The following PTCHD4 variants were observed in gnomAD, a reference collection of about 807,000 sequenced individuals.
PTCHD4 encodes the protein patched domain-containing protein 4.
A neutral mutation model predicts 58.1 loss-of-function variants in PTCHD4; 33 were observed. The ratio of observed to expected loss-of-function variants is 0.57; its 90% CI spans 0.43 to 0.76. The LOEUF (loss-of-function observed/expected upper bound fraction) is 0.76. Ranked by LOEUF, PTCHD4 falls within the 30% of genes least tolerant of loss-of-function variation. The pLI, the probability that PTCHD4 is intolerant of heterozygous loss-of-function variation, is 0.00. For missense variants in PTCHD4, 1,058 were observed against 1,027.1 expected (o/e 1.03, Z -0.41); for synonymous variants, 478 against 409.6 (o/e 1.17, Z -2.02).
chr6:48,022,307 A>G (rs996040388), intron 3 of PTCHD4, among the ~76,000 whole-genome samples: 2 of 151,576 alleles, frequency 1.3e-5, no homozygotes, highest in Non-Finnish European at 2.9e-5. Flanking sequence ...ACAGTGAGGG[A>G]TAATTATTGA....
chr6:48,063,678 T>A (rs1430995275), intron 3 of PTCHD4, among the ~76,000 whole-genome samples: 1 of 152,206 alleles, frequency 6.6e-6, no homozygotes, highest in East Asian at 1.9e-4. Context: ...AAATAGCATG[T>A]GTGTTTGAAA....
At position 47,876,475 on chromosome 6, in the gene PTCHD4, T is replaced by C. The variant is rs1581809679; in HGVS notation, c.*1828A>G. On this transcript the variant is annotated 3_prime_UTR_variant, in exon 5 of 5. Coordinates refer to ENST00000339488, the MANE Select transcript of PTCHD4 (RefSeq NM_001384253.1). ...CCCCTTTATATTCTGGAAAGTTATA[T>C]GTCTAAGTATACTTGTTTTGTTACT... is the stretch of plus-strand genomic sequence containing the variant. 1.3e-5 allele frequency among the ~76,000 whole-genome samples: 2 copies of C among 151,994 alleles called. No individual in the cohort carries two copies. Among genetic ancestry groups the C allele is most frequent in the South Asian group, 4.1e-4 (2 of 4,834 alleles).
chr6:47,961,255 T>C (rs1371317471), intron 4 of PTCHD4, among the ~76,000 whole-genome samples: 3 of 152,002 alleles, frequency 2.0e-5, no homozygotes, highest in African/African-American at 7.2e-5. Flanking sequence ...AAAAGTGAAA[T>C]TGTTTGTATT....
chr6:47,937,396 T>A (rs991680052), intron 4 of PTCHD4, among the ~76,000 whole-genome samples: 7 of 152,186 alleles, frequency 4.6e-5, no homozygotes, highest in African/African-American at 1.7e-4. Context: ...CATTATTTCC[T>A]TATGGACTTT....
intron 1 of PTCHD4, among the ~76,000 whole-genome samples, chr6:48,076,269 C>T (rs768435764): frequency 2.6e-5 from 4 of 152,220 alleles, no homozygotes; most frequent in Non-Finnish European, 5.9e-5. Flanking sequence ...GCTATTTCTA[C>T]CACATCTGCT....
chr6:47,946,430 C>T (rs759036025), intron 4 of PTCHD4, among the ~76,000 whole-genome samples: 6 of 152,166 alleles, frequency 3.9e-5, no homozygotes, highest in Non-Finnish European at 8.8e-5. Flanking sequence ...TTTTTGTCAA[C>T]GTGTAAGGAT....
chr6:47,957,960 G>T (rs774011382), intron 4 of PTCHD4, among the ~76,000 whole-genome samples: 3 of 152,040 alleles, frequency 2.0e-5, no homozygotes, highest in Non-Finnish European at 2.9e-5. Flanking sequence ...TCTGTCCATT[G>T]GAGGTGAAAG....
chr6:47,938,127 T>C (rs1766076359), intron 4 of PTCHD4, among the ~76,000 whole-genome samples: 1 of 152,172 alleles, frequency 6.6e-6, no homozygotes, highest in Non-Finnish European at 1.5e-5. Flanking sequence ...CACTCCAGCC[T>C]GGGCGACAGA....
At chr6:48,015,999 G>A (rs1762853828) in intron 3 of PTCHD4, among the ~76,000 whole-genome samples, 1 of 151,796 alleles carries the variant, frequency 6.6e-6, no homozygotes, top group Non-Finnish European at 1.5e-5. Context: ...ATGAAAAGAG[G>A]CATATGTAGA....
At position 47,904,988 on chromosome 6, in the gene PTCHD4, T is replaced by C. The variant is rs146465433; in HGVS notation, c.899-25052A>G. Among the ~76,000 whole-genome samples the C allele has an allele frequency of 2.7e-5, 4 of 149,338 alleles. No individual in the cohort carries two copies. The South Asian group carries it at 6.3e-4, about 24-fold the overall frequency. On this transcript the variant is annotated intron_variant, in intron 4 of 4. Coordinates refer to ENST00000339488, the MANE Select transcript of PTCHD4 (RefSeq NM_001384253.1). ...AGAATTTCATGCACAAGAAATGATG[T>C]GCAAAGGTGGTAAAATAGAGAATTA...
chr6:47,946,426 T>A (rs193295677), intron 4 of PTCHD4, among the ~76,000 whole-genome samples: 98 of 152,300 alleles, frequency 6.4e-4, no homozygotes, highest in Non-Finnish European at 1.2e-3. Flanking sequence ...AGCCTTTTTG[T>A]CAACGTGTAA....
At chr6:48,084,726 TC>T (rs1228379923) in intron 1 of PTCHD4, among the ~76,000 whole-genome samples, 3 of 151,618 alleles carry the variant, frequency 2.0e-5, no homozygotes, top group Non-Finnish European at 4.4e-5. Flanking sequence ...TTTCTTTTTT[TC>T]TTTCTTTCTT....
chr6:47,932,440 C>T (rs1201303830), intron 4 of PTCHD4, among the ~76,000 whole-genome samples: 4 of 152,148 alleles, frequency 2.6e-5, no homozygotes, highest in Non-Finnish European at 5.9e-5. Context: ...AAGGGATAAA[C>T]ACAACAGATT....
At position 47,862,763 on chromosome 6, in the gene PTCHD4, G is replaced by A; in HGVS notation, c.*15540C>T. Among the ~76,000 whole-genome samples, 1 of 151,778 alleles carries A rather than the reference G, an allele frequency of 6.6e-6. No homozygotes were observed. The highest frequency in any genetic ancestry group is 2.1e-4 in the South Asian group (1 of 4,832). ...GAAAATAAGAACTGATTTCCACACA[G>A]ACCCATTAATACTGTTTCCTTTGGA... On this transcript the variant is annotated 3_prime_UTR_variant, in exon 5 of 5. Transcript: ENST00000339488.
At chr6:48,023,588 A>T (rs1483651505) in intron 3 of PTCHD4, among the ~76,000 whole-genome samples, 1 of 151,972 alleles carries the variant, frequency 6.6e-6, no homozygotes, top group Non-Finnish European at 1.5e-5. Flanking sequence ...GATATCGCCT[A>T]CCTCCTATTT....
In PTCHD4 at chr6:47,874,417, C is replaced by A. The variant is rs1188840933; in HGVS notation, c.*3886G>T. On this transcript the variant is annotated 3_prime_UTR_variant, in exon 5 of 5. Transcript: ENST00000339488. Reference sequence around the variant, plus strand: ...ATTAATAACAAAGCATGCATAGTGCCGTGCATTCATAACTATTTGGTCATA... The same window carrying A: ...ATTAATAACAAAGCATGCATAGTGCAGTGCATTCATAACTATTTGGTCATA... Among the ~76,000 whole-genome samples the A allele has an allele frequency of 6.6e-6, 1 of 151,612 alleles. No homozygotes were observed. The highest frequency in any genetic ancestry group is 2.4e-5 in the African/African-American group (1 of 41,334).
At position 48,068,363 on chromosome 6, in the gene PTCHD4, T is replaced by C; in HGVS notation, c.284A>G (p.Lys95Arg). ...ASSLFPLDQS[K>R]SQLYSDLHTP... is the part of the protein sequence containing the mutation. ...GTGTAAGTCCGAATAGAGCTGGCTT[T>C]TGGACTGGTCCAGGGGGAAAAGGCT... The change falls in exon 3 of 5, where the codon AAA becomes AGA. Residue 95 changes from lysine to arginine, a missense_variant. By Grantham distance (26) the Lys-to-Arg change is conservative. Coordinates refer to ENST00000339488, the MANE Select transcript of PTCHD4 (RefSeq NM_001384253.1). The surrounding 1 kb of genome is among the most constrained non-coding windows in gnomAD (Gnocchi z 4.2). 1.2e-6 allele frequency: 2 copies of C among 1,613,952 alleles called. No homozygotes were observed. The highest frequency in any genetic ancestry group is 1.7e-6 in the Non-Finnish European group (2 of 1,179,876).
intron 3 of PTCHD4, among the ~76,000 whole-genome samples, chr6:48,041,272 C>A (rs1763837355): frequency 6.6e-6 from 1 of 151,974 alleles, no homozygotes; most frequent in Non-Finnish European, 1.5e-5. Context: ...AGTTTCTGAC[C>A]ATGTTCACTT....
intron 3 of PTCHD4, among the ~76,000 whole-genome samples, chr6:48,019,867 A>T (rs938473784): frequency 6.6e-6 from 1 of 152,240 alleles, no homozygotes. Context: ...ACCTTAGCTG[A>T]GTCCTGAATC....
Sources: allele counts gnomAD v4.1 joint callset (sites outside exome capture counted in the v4.1 genomes callset), GRCh38; gene constraint gnomAD v4.1.1; non-coding constraint Gnocchi (gnomAD v3.1); transcripts MANE v1.5; gene names NCBI Gene and HGNC (gene_info 2026-07-23, HGNC 2026-07-21).